WDR70: variants seen among roughly 807,000 people sequenced by gnomAD.
The protein encoded by WDR70 is WD repeat domain 70.
WDR70 carries 53 observed loss-of-function variants against 88.6 expected under a neutral mutation model. The ratio of observed to expected loss-of-function variants is 0.60; its 90% CI spans 0.48 to 0.75. WDR70 has a LOEUF of 0.75. WDR70 is among the 30% of genes least tolerant of loss of function. The pLI is 0.00. For synonymous variants in WDR70, 280 were observed against 270.0 expected (o/e 1.04, Z -0.36); for missense variants, 610 against 823.2 (o/e 0.74, Z 3.17).
At chr5:37,712,154 G>A (rs564281344) in intron 13 of WDR70, among the ~76,000 whole-genome samples, 5 of 151,900 alleles carry the variant, frequency 3.3e-5, no homozygotes, top group Admixed American at 3.3e-4. Flanking sequence ...CACCGCACCT[G>A]GCTAATTTTT....
chr5:37,574,356 T>C (rs185408765), intron 9 of WDR70, among the ~76,000 whole-genome samples: 1 of 152,188 alleles, frequency 6.6e-6, no homozygotes, highest in Non-Finnish European at 1.5e-5. Context: ...AGTTGTTTCT[T>C]GAAAGGACAT....
At chr5:37,379,638 A>C in intron 2 of WDR70, 84 bp downstream of exon 2, 1 of 1,448,194 alleles carries the variant, frequency 6.9e-7, no homozygotes, top group South Asian at 1.2e-5. Flanking sequence ...TCGAGCTGTC[A>C]ACTCGGAATT....
At chr5:37,598,398 T>C (rs565991331) in intron 9 of WDR70, among the ~76,000 whole-genome samples, 4 of 152,234 alleles carry the variant, frequency 2.6e-5, no homozygotes, top group Admixed American at 2.6e-4. Flanking sequence ...GAGGATTAAA[T>C]GAGATTAGGG....
At chr5:37,752,189 T>G (rs79502452) in intron 17 of WDR70, among the ~76,000 whole-genome samples, 5,126 of 152,228 alleles carry the variant, frequency 0.034, 144 homozygotes, top group South Asian at 0.13. Flanking sequence ...GGAGGGTGGT[T>G]AGGATGGGTG....
At chr5:37,449,615 AAAT>A (rs1484568452) in intron 7 of WDR70, among the ~76,000 whole-genome samples, 32 of 44,376 alleles carry the variant, frequency 7.2e-4, no homozygotes, top group African/African-American at 1.6e-3. Flanking sequence ...AAAAAATAAA[AAAT>A]AAATAAATAA....
chr5:37,558,061 T>G (rs1347392759), intron 9 of WDR70, among the ~76,000 whole-genome samples: 1 of 125,910 alleles, frequency 7.9e-6, no homozygotes, highest in Non-Finnish European at 1.7e-5. Flanking sequence ...TGACCACTCT[T>G]TTACTCTAAA....
chr5:37,563,849 T>C (rs199595004), intron 9 of WDR70, among the ~76,000 whole-genome samples: 38,478 of 86,786 alleles, frequency 0.44, 8,749 homozygotes, highest in Non-Finnish European at 0.55. Flanking sequence ...ACTTCTCAGA[T>C]GGGGCGGTTG....
At chr5:37,535,061 G>GT (rs1464262501) in intron 9 of WDR70, among the ~76,000 whole-genome samples, 1 of 152,058 alleles carries the variant, frequency 6.6e-6, no homozygotes, top group Non-Finnish European at 1.5e-5. Flanking sequence ...ATATTCTAGT[G>GT]TAGATGAGTG....
intron 10 of WDR70, among the ~76,000 whole-genome samples, chr5:37,607,849 C>T (rs1025023756): frequency 6.6e-6 from 1 of 152,118 alleles, no homozygotes; most frequent in African/African-American, 2.4e-5. Context: ...AGAGAAGCTT[C>T]TGTGGATCTG....
At chr5:37,688,766 G>A (rs1368754208) in intron 10 of WDR70, among the ~76,000 whole-genome samples, 1 of 151,888 alleles carries the variant, frequency 6.6e-6, no homozygotes. Context: ...CAGTGTGATC[G>A]ACGCAGAAGA....
At chr5:37,747,800 C>T (rs569605244) in intron 17 of WDR70, among the ~76,000 whole-genome samples, 21 of 152,272 alleles carry the variant, frequency 1.4e-4, no homozygotes, top group Non-Finnish European at 2.5e-4. Flanking sequence ...TCTCAAGATA[C>T]AAAATCATTG....
At chr5:37,727,214 T>A (rs145385376) in intron 17 of WDR70, among the ~76,000 whole-genome samples, 169 bp downstream of exon 17, 73 of 152,302 alleles carry the variant, frequency 4.8e-4, no homozygotes, top group African/African-American at 1.7e-3. Context: ...GTATGTATCA[T>A]AAGACTCTAA....
At chr5:37,584,455 A>G (rs1349891957) in intron 9 of WDR70, among the ~76,000 whole-genome samples, 1 of 152,234 alleles carries the variant, frequency 6.6e-6, no homozygotes. Flanking sequence ...TTGATTAAGC[A>G]TTGTTTAAAT....
rs1243288292 is a variant in WDR70 at position 37,631,442 on chromosome 5, ATAG to A, written c.1092+26210_1092+26212del. On this transcript the variant is annotated intron_variant, in intron 10 of 17. Transcript: ENST00000265107. ...AATAGTGGTGATAACAATATTAGTG[ATAG>A]TAGTAATAATAATTATTTTAATAAC... is the stretch of plus-strand genomic sequence containing the variant. Among the ~76,000 whole-genome samples the A allele has an allele frequency of 6.6e-5, 10 of 152,284 alleles. No homozygotes were observed. In the East Asian group the frequency reaches 1.7e-3, roughly 26 times the overall value.
chr5:37,431,370 A>G (rs1046487431), intron 5 of WDR70, among the ~76,000 whole-genome samples: 3 of 152,126 alleles, frequency 2.0e-5, no homozygotes, highest in African/African-American at 7.2e-5. Context: ...GATCTCTTAT[A>G]TAATTCCTCT....
rs376611202 is a variant in WDR70, at chr5:37,697,744, C to T, written c.1182C>T (p.Ala394=). ...TTTCCTATGATGGTAATGTCCTTGC[C>T]TCTCGTGGAGGTAGGTTAAAAGCTT... is the stretch of plus-strand genomic sequence containing the variant. ...VTFSYDGNVL[A]SRGGDDSLKL... The change falls in exon 11 of 18, where the codon GCC becomes GCT. Residue 394 remains alanine (A), a synonymous_variant. Transcript: ENST00000265107. 266 of 1,613,200 alleles carry T rather than the reference C, an allele frequency of 1.6e-4. No homozygotes were observed. Among genetic ancestry groups the T allele is most frequent in the Non-Finnish European group, 2.2e-4 (259 of 1,179,384 alleles).
At chr5:37,677,006 T>C (rs920360484) in intron 10 of WDR70, among the ~76,000 whole-genome samples, 7 of 152,252 alleles carry the variant, frequency 4.6e-5, no homozygotes, top group African/African-American at 1.7e-4. Flanking sequence ...TTCTAGATTT[T>C]CTAGTTTATT....
In WDR70 at chr5:37,707,100, A is replaced by C. The variant is rs965128803; in HGVS notation, c.1416+4013A>C. On this transcript the variant is annotated intron_variant, in intron 13 of 17. Transcript: ENST00000265107. ...TTTAGGGAAATGTTCTGAAATAACA[A>C]TATTATTAGCTTGGTAGTTTTTCAA... 7.9e-5 allele frequency among the ~76,000 whole-genome samples: 12 copies of C among 152,198 alleles called. 1 individual carries two copies. In the East Asian group the frequency reaches 1.2e-3, roughly 15 times the overall value.
chr5:37,399,935 T>G (rs1167722538), intron 5 of WDR70, among the ~76,000 whole-genome samples: 1 of 152,118 alleles, frequency 6.6e-6, no homozygotes, highest in African/African-American at 2.4e-5. Context: ...TATTATTTAT[T>G]TATTCATTTA....
Sources: allele counts gnomAD v4.1 joint callset (sites outside exome capture counted in the v4.1 genomes callset), GRCh38; gene constraint gnomAD v4.1.1; transcripts MANE v1.5; gene names NCBI Gene and HGNC (gene_info 2026-07-23, HGNC 2026-07-21).